Variants in VSX2 observed in about 807,000 individuals in gnomAD.
VSX2 encodes the protein ceh-10 homeo domain containing homolog.
VSX2 carries 28 observed loss-of-function variants against 32.1 expected under a neutral mutation model. The observed-to-expected ratio is 0.87, with a 90% CI of 0.65 to 1.20. The LOEUF (loss-of-function observed/expected upper bound fraction) is 1.20. Ranked by LOEUF, VSX2 falls within the 50% of genes most tolerant of loss-of-function variation. The pLI is 0.00. For missense variants in VSX2, 506 were observed against 488.7 expected (o/e 1.04, Z -0.33); for synonymous variants, 243 against 214.1 (o/e 1.14, Z -1.18).
In VSX2 at chr14:74,260,621, C is replaced by T; in HGVS notation, c.788C>T (p.Ala263Val). The part of the protein sequence containing the change: ...LGMHKKSLEA[A>V]AESGRKPEGE... ...ATGCACAAAAAGTCGCTGGAGGCAGCAGCCGAGTCGGGGAGGAAGCCCGAG... is the reference window on the plus strand; with the variant it reads ...ATGCACAAAAAGTCGCTGGAGGCAGTAGCCGAGTCGGGGAGGAAGCCCGAG... The change falls in exon 5 of 5, where the codon GCA becomes GTA. Residue 263 changes from alanine to valine, a missense_variant. Physicochemically the swap from Ala to Val is moderately conservative, Grantham distance 64 (BLOSUM62 0). Transcript: ENST00000261980. The T allele has an allele frequency of 6.2e-7, 1 of 1,606,424 alleles. No homozygotes were observed. The highest frequency in any genetic ancestry group is 8.5e-7 in the Non-Finnish European group (1 of 1,177,084).
chr14:74,261,018 C>T lies in VSX2; in HGVS notation c.*99C>T. The T allele has an allele frequency of 7.1e-7, 1 of 1,401,966 alleles. No individual in the cohort carries two copies. Among genetic ancestry groups the T allele is most frequent in the Non-Finnish European group, 9.8e-7 (1 of 1,022,776 alleles). The allele number at this position is 1,401,966 out of a possible 1,614,324, so 86.8% of individuals were successfully genotyped here. A position where few individuals can be genotyped will look rare whatever the true frequency, so the allele number is the denominator to read the frequency against. ...CTGAGGCAAGGCCCAGACCTGGCCT[C>T]TGCCATCCTCCCTGTTCCCCACAGG... On this transcript the variant is annotated 3_prime_UTR_variant, in exon 5 of 5. Coordinates refer to ENST00000261980, the MANE Select transcript of VSX2 (RefSeq NM_182894.3).
rs941071834 is a variant in VSX2, at chr14:74,254,142, G to A, written c.580-5460G>A. ...ATGTGGGGAGAGGCCAGGCGTGGGG[G>A]CTCACGCCAGTAATTCCAGCAATTT... On this transcript the variant is annotated intron_variant, in intron 3 of 4. Transcript: ENST00000261980. Among the ~76,000 whole-genome samples the A allele has an allele frequency of 2.6e-5, 4 of 151,210 alleles. No individual in the cohort carries two copies. In the South Asian group the frequency reaches 8.4e-4, roughly 32 times the overall value.
At chr14:74,258,702 C>G (rs889266151) in intron 3 of VSX2, among the ~76,000 whole-genome samples, 15 of 152,120 alleles carry the variant, frequency 9.9e-5, no homozygotes, top group Non-Finnish European at 1.8e-4. Flanking sequence ...AAGAAATGTT[C>G]CCTCCTCAAA....
intron 3 of VSX2, among the ~76,000 whole-genome samples, chr14:74,250,984 G>A (rs2079224730): frequency 6.6e-6 from 1 of 150,678 alleles, no homozygotes; most frequent in Non-Finnish European, 1.5e-5. Flanking sequence ...CGCTCCCCCG[G>A]CCAACACCCA....
At chr14:74,242,694 G>C (rs1008600631) in intron 2 of VSX2, among the ~76,000 whole-genome samples, 1 of 150,964 alleles carries the variant, frequency 6.6e-6, no homozygotes, top group Admixed American at 6.6e-5. Flanking sequence ...TCTTACGCGG[G>C]TCCCAGGGTG....
rs114856156 is a variant in VSX2 at position 74,244,220 on chromosome 14, C to T, written c.456-945C>T. ...TGTAGTTTTTACCAGATTCTTAAAG[C>T]AGTTTATAACACAAAATAGATCCAT... On this transcript the variant is annotated intron_variant, in intron 2 of 4. Transcript: ENST00000261980. 4.9e-3 allele frequency among the ~76,000 whole-genome samples: 749 copies of T among 152,300 alleles called. 3 individuals carry two copies. The highest frequency in any genetic ancestry group is 0.017 in the African/African-American group (722 of 41,552).
At chr14:74,240,782 G>A (rs1480354390) in intron 1 of VSX2, among the ~76,000 whole-genome samples, 1 of 152,158 alleles carries the variant, frequency 6.6e-6, no homozygotes, top group Non-Finnish European at 1.5e-5. Flanking sequence ...AGCTCCCCAC[G>A]CCTCCGCTCC....
chr14:74,242,496 T>A (rs925856238), intron 2 of VSX2, among the ~76,000 whole-genome samples: 6 of 152,220 alleles, frequency 3.9e-5, no homozygotes, highest in African/African-American at 1.4e-4. Flanking sequence ...GCAGGTGAAC[T>A]TCGACTTGGT....
chr14:74,257,016 C>G (rs888355303), intron 3 of VSX2, among the ~76,000 whole-genome samples: 2 of 152,046 alleles, frequency 1.3e-5, no homozygotes, highest in African/African-American at 4.8e-5. Context: ...TGGATTTTTC[C>G]TCTGTGGGAG....
intron 3 of VSX2, among the ~76,000 whole-genome samples, chr14:74,258,764 C>T (rs2079284391): frequency 6.6e-6 from 1 of 152,150 alleles, no homozygotes; most frequent in Non-Finnish European, 1.5e-5. Flanking sequence ...GCAGACACCC[C>T]AGGGTACCCC....
chr14:74,242,769 G>T (rs2139631168), intron 2 of VSX2, among the ~76,000 whole-genome samples: 1 of 152,242 alleles, frequency 6.6e-6, no homozygotes, highest in East Asian at 1.9e-4. Flanking sequence ...TCAGAGACCG[G>T]CAAAACTGCC....
intron 3 of VSX2, 72 bp downstream of exon 3, chr14:74,245,360 A>T: frequency 6.3e-7 from 1 of 1,599,630 alleles, no homozygotes; most frequent in Non-Finnish European, 8.5e-7. Flanking sequence ...AGGGTTCCAG[A>T]TGCCCATGAC....
intron 1 of VSX2, among the ~76,000 whole-genome samples, chr14:74,240,941 C>T (rs1244588154): frequency 1.3e-5 from 2 of 152,170 alleles, no homozygotes; most frequent in Non-Finnish European, 2.9e-5. Context: ...CCAAGCGCGC[C>T]GGGGCCTTTG....
At chr14:74,254,216 C>T (rs2079247780) in intron 3 of VSX2, among the ~76,000 whole-genome samples, 1 of 152,020 alleles carries the variant, frequency 6.6e-6, no homozygotes, top group African/African-American at 2.4e-5. Context: ...TCAAGACCAG[C>T]CTGGCCAACA....
chr14:74,251,172 G>C (rs902632561), intron 3 of VSX2, among the ~76,000 whole-genome samples: 2 of 151,946 alleles, frequency 1.3e-5, no homozygotes, highest in African/African-American at 4.8e-5. Flanking sequence ...AAATTACGCC[G>C]GGTACGGTGG....
chr14:74,253,806 T>C (rs1469080400), intron 3 of VSX2, among the ~76,000 whole-genome samples: 2 of 151,806 alleles, frequency 1.3e-5, no homozygotes, highest in African/African-American at 4.8e-5. Flanking sequence ...GGCACAAGCC[T>C]GTAGTCCCAG....
chr14:74,247,649 G>T (rs2079201371), intron 3 of VSX2, among the ~76,000 whole-genome samples: 2 of 152,148 alleles, frequency 1.3e-5, no homozygotes, highest in African/African-American at 4.8e-5. Context: ...ACCTAACTCT[G>T]AATCGAAAGC....
At chr14:74,246,427 C>T (rs1208358895) in intron 3 of VSX2, among the ~76,000 whole-genome samples, 1 of 152,226 alleles carries the variant, frequency 6.6e-6, no homozygotes, top group Non-Finnish European at 1.5e-5. Context: ...AGGCCTTCCT[C>T]TCCCCTGGAA....
rs528582584 is a variant in VSX2, at chr14:74,247,064, T to C, written c.579+1776T>C. On this transcript the variant is annotated intron_variant, in intron 3 of 4. Coordinates refer to ENST00000261980, the MANE Select transcript of VSX2 (RefSeq NM_182894.3). ...GCTCATCGCCCTGGGACTGTGAGGATTGGCTCTGCAATTTGTGGATATCGG... is the reference window on the plus strand; with the variant it reads ...GCTCATCGCCCTGGGACTGTGAGGACTGGCTCTGCAATTTGTGGATATCGG... 7.9e-5 allele frequency among the ~76,000 whole-genome samples: 12 copies of C among 152,140 alleles called. No homozygotes were observed. In the South Asian group the frequency reaches 2.3e-3, roughly 29 times the overall value.
Sources: gnomAD v4.1 joint callset for allele counts (sites outside exome capture counted in the v4.1 genomes callset) on GRCh38, gnomAD v4.1.1 for gene constraint, MANE v1.5 for transcripts, NCBI Gene and HGNC (gene_info 2026-07-23, HGNC 2026-07-21) for gene names.